NECTIN3: variants seen among roughly 807,000 people sequenced by gnomAD.
NECTIN3 encodes nectin-3.
Under a neutral mutation model 49.4 loss-of-function variants are expected in NECTIN3, and 8 were observed. That is an observed-to-expected ratio of 0.16 (90% CI 0.10 to 0.29). NECTIN3 has a LOEUF of 0.29. NECTIN3 is among the 10% of genes least tolerant of loss of function. The pLI is 1.00. For synonymous variants in NECTIN3, 277 were observed against 241.1 expected, an observed-to-expected ratio of 1.15 and a Z score of -1.38; for missense variants, 581 against 654.6, an observed-to-expected ratio of 0.89 and a Z score of 1.23.
chr3:111,071,952 C>T lies in NECTIN3; in HGVS notation c.-66C>T. ...GACCTTCCACAGCCTCCGCCCAGAG[C>T]CTGAGGCGCCGGGGCCGGGGGAGCC... On this transcript the variant is annotated 5_prime_UTR_variant, in exon 1 of 6. Coordinates refer to ENST00000485303, the MANE Select transcript of NECTIN3 (RefSeq NM_015480.3). 8 of 1,228,946 alleles carry T rather than the reference C, an allele frequency of 6.5e-6. No individual in the cohort carries two copies. Among genetic ancestry groups the T allele is most frequent in the Non-Finnish European group, 8.5e-6 (8 of 939,060 alleles). 76.1% of individuals were successfully genotyped at this position (1,228,946 alleles called of 1,614,324 possible). A position where few individuals can be genotyped will look rare whatever the true frequency, so the allele number is the denominator to read the frequency against.
chr3:111,072,565 A>G, intron 1 of NECTIN3: 1 of 1,535,348 alleles, frequency 6.5e-7, no homozygotes, highest in Non-Finnish European at 8.7e-7. Flanking sequence ...GTGAAACTTG[A>G]GCTGTGAGCC....
chr3:111,079,161 A>G (rs2031432283), intron 1 of NECTIN3, among the ~76,000 whole-genome samples: 1 of 152,114 alleles, frequency 6.6e-6, no homozygotes, highest in South Asian at 2.1e-4. Context: ...AGTTTAATAT[A>G]GTAACTGTGA....
At chr3:111,178,998 T>C (rs1318004036) in intron 7 of NECTIN3, among the ~76,000 whole-genome samples, 4 of 152,228 alleles carry the variant, frequency 2.6e-5, no homozygotes, top group African/African-American at 9.6e-5. Context: ...ACTATAAATC[T>C]TGGCTGTAAT....
intron 7 of NECTIN3, among the ~76,000 whole-genome samples, chr3:111,157,209 C>T (rs1023407848): frequency 2.0e-5 from 3 of 152,076 alleles, no homozygotes; most frequent in African/African-American, 7.2e-5. Context: ...AAATATTTTT[C>T]AAAACGCATT....
At chr3:111,186,979 A>T (rs1181126978) in intron 7 of NECTIN3, among the ~76,000 whole-genome samples, 1 of 152,224 alleles carries the variant, frequency 6.6e-6, no homozygotes, top group African/African-American at 2.4e-5. Flanking sequence ...TATTTAAGAC[A>T]CTTTTCAAAT....
At chr3:111,095,851 T>C (rs950517625) in intron 1 of NECTIN3, among the ~76,000 whole-genome samples, 1 of 152,234 alleles carries the variant, frequency 6.6e-6, no homozygotes, top group Non-Finnish European at 1.5e-5. Context: ...CAGCTGGAAC[T>C]GTGAGTTCTT....
chr3:111,183,477 A>G (rs1056762834), intron 7 of NECTIN3, among the ~76,000 whole-genome samples: 1 of 151,956 alleles, frequency 6.6e-6, no homozygotes, highest in Non-Finnish European at 1.5e-5. Flanking sequence ...ACACCTGGCT[A>G]ATTTTTTTGT....
At chr3:111,187,986 C>T (rs1229747159), upstream of NECTIN3, among the ~76,000 whole-genome samples, 1 of 152,194 alleles carries the variant, frequency 6.6e-6, no homozygotes, top group Admixed American at 6.5e-5. Context: ...AAATGTGCCA[C>T]TGTGGTGCAA....
chr3:111,162,049 C>T (rs1305091859), intron 7 of NECTIN3, among the ~76,000 whole-genome samples: 1 of 152,098 alleles, frequency 6.6e-6, no homozygotes, highest in Non-Finnish European at 1.5e-5. Flanking sequence ...TCCTTCCATT[C>T]TGATCCCAAC....
chr3:111,186,021 A>AT (rs1559823037), intron 7 of NECTIN3, among the ~76,000 whole-genome samples: 1 of 152,166 alleles, frequency 6.6e-6, no homozygotes, highest in Non-Finnish European at 1.5e-5. Context: ...AAGTAATTAA[A>AT]TAACATATTC....
intron 2 of NECTIN3, among the ~76,000 whole-genome samples, chr3:111,112,705 C>A (rs529897788): frequency 2.8e-4 from 42 of 152,118 alleles, no homozygotes; most frequent in Admixed American, 2.6e-3. Flanking sequence ...AGCCTTTAAT[C>A]AAATTACCAT....
chr3:111,097,584 T>A (rs188670729), intron 1 of NECTIN3, among the ~76,000 whole-genome samples: 71 of 152,260 alleles, frequency 4.7e-4, no homozygotes, highest in African/African-American at 1.6e-3. Context: ...TGGGAGGTAA[T>A]TGAATCATGG....
rs1353294755 is a variant in NECTIN3, at chr3:111,071,930, C to T, written c.-88C>T. On this transcript the variant is annotated 5_prime_UTR_variant, in exon 1 of 6. Coordinates refer to ENST00000485303, the MANE Select transcript of NECTIN3 (RefSeq NM_015480.3). ...GGAGCTGGGGACGCGCGCGCCGGAC[C>T]TTCCACAGCCTCCGCCCAGAGCCTG... The T allele has an allele frequency of 2.1e-6, 2 of 965,184 alleles. No individual in the cohort carries two copies. The highest frequency in any genetic ancestry group is 1.8e-5 in the African/African-American group (1 of 56,858). The allele number at this position is 965,184 out of a possible 1,614,324, so 59.8% of individuals were successfully genotyped here. A position where few individuals can be genotyped will look rare whatever the true frequency, so the allele number is the denominator to read the frequency against.
chr3:111,094,884 C>G (rs1395885884), intron 1 of NECTIN3, among the ~76,000 whole-genome samples: 2 of 152,186 alleles, frequency 1.3e-5, no homozygotes, highest in Non-Finnish European at 2.9e-5. Context: ...GAACTATCAT[C>G]AGTTAATGGT....
chr3:111,129,197 A>T (rs559034502), intron 5 of NECTIN3, among the ~76,000 whole-genome samples: 1 of 139,076 alleles, frequency 7.2e-6, no homozygotes, highest in African/African-American at 3.3e-5. Context: ...CTTCACCTTC[A>T]CCTTTTTCAA....
chr3:111,127,721 G>A (rs1483990081), intron 5 of NECTIN3, among the ~76,000 whole-genome samples: 6 of 151,810 alleles, frequency 4.0e-5, no homozygotes. Context: ...GCACCACCAT[G>A]CCCAGCTAAT....
intron 7 of NECTIN3, among the ~76,000 whole-genome samples, chr3:111,156,944 T>G (rs748406124): frequency 8.5e-5 from 13 of 152,178 alleles, no homozygotes; most frequent in Admixed American, 6.5e-5. Flanking sequence ...TGGGAATGTG[T>G]TCGGGGCAAG....
chr3:111,135,297 G>T lies in NECTIN3; in HGVS notation c.*1082G>T. On this transcript the variant is annotated 3_prime_UTR_variant, in exon 6 of 6. Transcript: ENST00000485303. Reference sequence around the variant, plus strand: ...AATTAGTCGGTAACACTTGCTAATGGACATTGGCATTCATCTCCTTTTTCC... The same window carrying T: ...AATTAGTCGGTAACACTTGCTAATGTACATTGGCATTCATCTCCTTTTTCC... 1.0e-6 allele frequency: 1 copy of T among 960,576 alleles called. No individual in the cohort carries two copies. The highest frequency in any genetic ancestry group is 1.2e-6 in the Non-Finnish European group (1 of 807,706). The allele number at this position is 960,576 out of a possible 1,614,324, so 59.5% of individuals were successfully genotyped here.
At chr3:111,161,544 G>A (rs1196863382) in intron 7 of NECTIN3, among the ~76,000 whole-genome samples, 1 of 152,148 alleles carries the variant, frequency 6.6e-6, no homozygotes, top group Non-Finnish European at 1.5e-5. Flanking sequence ...AGCAGCAGGG[G>A]AGTCAGCATT....
Sources: gnomAD v4.1 joint callset for allele counts (sites outside exome capture counted in the v4.1 genomes callset) on GRCh38, gnomAD v4.1.1 for gene constraint, MANE v1.5 for transcripts, NCBI Gene and HGNC (gene_info 2026-07-23, HGNC 2026-07-21) for gene names.